GABRG3: variants seen among roughly 807,000 people sequenced by gnomAD.
The protein encoded by GABRG3 is gamma-aminobutyric acid type A receptor subunit gamma3, also known as gamma-aminobutyric acid receptor subunit gamma-3.
A neutral mutation model predicts 48.8 loss-of-function variants in GABRG3; 25 were observed. That is an observed-to-expected ratio of 0.51 (90% confidence interval 0.37 to 0.72). The LOEUF (loss-of-function observed/expected upper bound fraction) is 0.72, where lower values mean the gene tolerates loss of function less well. Among genes scored for constraint, GABRG3 ranks in the 30% least tolerant of loss-of-function variants. The probability of loss-of-function intolerance (pLI) is 0.00; values close to 1 mark genes in which losing one functional copy is unlikely to be tolerated. For synonymous variants in GABRG3, 227 were observed against 217.6 expected (o/e 1.04, Z -0.38); for missense variants, 394 against 577.9 (o/e 0.68, Z 3.26).
At chr15:27,041,490 C>G (rs1896275676) in intron 3 of GABRG3, among the ~76,000 whole-genome samples, 1 of 150,552 alleles carries the variant, frequency 6.6e-6, no homozygotes, top group South Asian at 2.2e-4. Flanking sequence ...CAACCTAAAC[C>G]TTTTTAAACC....
chr15:27,369,762 GCA>G (rs1243280451), intron 5 of GABRG3, among the ~76,000 whole-genome samples: 1,769 of 131,690 alleles, frequency 0.013, 31 homozygotes, highest in Middle Eastern at 0.033. Context: ...AGCTGAGATT[GCA>G]CCACTGCACT....
intron 3 of GABRG3, among the ~76,000 whole-genome samples, chr15:27,183,226 G>A (rs915526093): frequency 1.3e-5 from 2 of 151,634 alleles, no homozygotes; most frequent in African/African-American, 4.9e-5. Flanking sequence ...ATGTTGTTGT[G>A]TATCTGAATA....
At chr15:27,201,471 G>A (rs1724134851) in intron 3 of GABRG3, among the ~76,000 whole-genome samples, 1 of 151,730 alleles carries the variant, frequency 6.6e-6, no homozygotes, top group African/African-American at 2.4e-5. Flanking sequence ...AAAGGAGGAT[G>A]AGGAGGAAAA....
intron 3 of GABRG3, among the ~76,000 whole-genome samples, chr15:27,057,640 C>T (rs770711949): frequency 1.8e-4 from 27 of 152,072 alleles, no homozygotes; most frequent in Non-Finnish European, 3.7e-4. Context: ...GCCAGGTCAC[C>T]CTCGGGGCTC....
intron 3 of GABRG3, among the ~76,000 whole-genome samples, chr15:27,286,659 T>A (rs892800035): frequency 1.3e-5 from 2 of 152,224 alleles, no homozygotes; most frequent in African/African-American, 4.8e-5. Context: ...GAAGCATCAA[T>A]AATTCAGTCT....
intron 3 of GABRG3, among the ~76,000 whole-genome samples, chr15:27,094,946 T>A (rs1379674027): frequency 6.6e-6 from 1 of 152,176 alleles, no homozygotes; most frequent in Non-Finnish European, 1.5e-5. Context: ...CTAGCCTGTT[T>A]TATACACAAG....
At chr15:27,189,009 C>G (rs1016020942) in intron 3 of GABRG3, among the ~76,000 whole-genome samples, 2 of 152,102 alleles carry the variant, frequency 1.3e-5, no homozygotes, top group African/African-American at 4.8e-5. Context: ...GCTTGTTTTT[C>G]TCAGGTTTGT....
intron 2 of GABRG3, among the ~76,000 whole-genome samples, chr15:26,980,913 G>A (rs867495871): frequency 7.2e-5 from 11 of 152,028 alleles, no homozygotes; most frequent in Admixed American, 2.0e-4. Flanking sequence ...CAGACACTGG[G>A]GTCTATCTGA....
intron 3 of GABRG3, among the ~76,000 whole-genome samples, chr15:27,251,409 CA>C (rs1890452110): frequency 6.6e-6 from 1 of 152,134 alleles, no homozygotes; most frequent in East Asian, 1.9e-4. Context: ...CTCAGAGACG[CA>C]AAGGGAGCCC....
At chr15:27,148,380 G>A (rs1898248970) in intron 3 of GABRG3, among the ~76,000 whole-genome samples, 1 of 151,972 alleles carries the variant, frequency 6.6e-6, no homozygotes, top group Non-Finnish European at 1.5e-5. Context: ...CGAGTAAAGT[G>A]TAGACCTAAA....
At chr15:27,098,140 A>G (rs538024771) in intron 3 of GABRG3, among the ~76,000 whole-genome samples, 1 of 152,280 alleles carries the variant, frequency 6.6e-6, no homozygotes, top group Non-Finnish European at 1.5e-5. Flanking sequence ...CTTTTAAAAA[A>G]TACTGAATGT....
chr15:27,177,173 G>A (rs1887774497), intron 3 of GABRG3, among the ~76,000 whole-genome samples: 1 of 152,170 alleles, frequency 6.6e-6, no homozygotes, highest in South Asian at 2.1e-4. Context: ...TGTGTGCTGA[G>A]TCAATTTCTT....
chr15:27,382,774 CAG>C (rs1895814265), intron 5 of GABRG3, among the ~76,000 whole-genome samples: 1 of 151,768 alleles, frequency 6.6e-6, no homozygotes, highest in Non-Finnish European at 1.5e-5. Flanking sequence ...GTGGTATGAG[CAG>C]AGAGAGGAGT....
In GABRG3 at chr15:27,533,107, A is replaced by G. The variant is rs1891469655; in HGVS notation, c.*226A>G. ...ACAGCTAATTGAGTTTTAAAGTAAT[A>G]TTCTTGCTAATCCCTACTGAATTGT... On this transcript the variant is annotated 3_prime_UTR_variant, in exon 10 of 10. Coordinates refer to ENST00000615808, the MANE Select transcript of GABRG3 (RefSeq NM_033223.5). The G allele has an allele frequency of 2.0e-6, 1 of 493,134 alleles. No individual in the cohort carries two copies. The highest frequency in any genetic ancestry group is 3.6e-6 in the Non-Finnish European group (1 of 277,088). The allele number at this position is 493,134 out of a possible 1,614,324, so 30.5% of individuals were successfully genotyped here.
At chr15:26,988,713 C>A (rs540940536) in intron 2 of GABRG3, among the ~76,000 whole-genome samples, 46 of 151,774 alleles carry the variant, frequency 3.0e-4, no homozygotes, top group Non-Finnish European at 2.2e-4. Context: ...TTGCTCCTTT[C>A]CCCTCTTTTT....
At chr15:26,971,639 G>A in intron 1 of GABRG3, 51 bp downstream of exon 1, 1 of 1,506,956 alleles carries the variant, frequency 6.6e-7, no homozygotes. Context: ...GGGCGACAGG[G>A]CGGCGGGGGG....
At chr15:27,109,517 A>C (rs1448560087) in intron 3 of GABRG3, among the ~76,000 whole-genome samples, 7 of 152,138 alleles carry the variant, frequency 4.6e-5, no homozygotes, top group Non-Finnish European at 8.8e-5. Context: ...CCTGGCAACC[A>C]ATGATTGTTT....
chr15:27,528,096 A>G, intron 9 of GABRG3, 104 bp downstream of exon 9: 1 of 837,846 alleles, frequency 1.2e-6, no homozygotes, highest in Middle Eastern at 2.2e-4. Flanking sequence ...ATTGAAGACC[A>G]ATGAGTGATG....
At chr15:27,261,686 T>A (rs977787246) in intron 3 of GABRG3, among the ~76,000 whole-genome samples, 1 of 152,092 alleles carries the variant, frequency 6.6e-6, no homozygotes, top group African/African-American at 2.4e-5. Flanking sequence ...GTAAAAACTA[T>A]CCCTTTCCTT....
Sources: allele counts gnomAD v4.1 joint callset (sites outside exome capture counted in the v4.1 genomes callset), GRCh38; gene constraint gnomAD v4.1.1; transcripts MANE v1.5; gene names NCBI Gene and HGNC (gene_info 2026-07-23, HGNC 2026-07-21).